The following AFG1L variants were observed in gnomAD, a reference collection of about 807,000 sequenced individuals.
AFG1L encodes AFG1-like ATPase.
AFG1L carries 53 observed loss-of-function variants against 62.2 expected under a neutral mutation model. The observed-to-expected ratio is 0.85, with a 90% CI of 0.68 to 1.07. AFG1L has a LOEUF of 1.07. Ranked by LOEUF, AFG1L falls within the 50% of genes least tolerant of loss-of-function variation. The pLI is 0.00. For missense variants in AFG1L, 555 were observed against 590.5 expected, an observed-to-expected ratio of 0.94 and a Z score of 0.62; for synonymous variants, 228 against 210.3, an observed-to-expected ratio of 1.08 and a Z score of -0.73.
At chr6:108,324,655 C>G (rs1777964541) in intron 2 of AFG1L, among the ~76,000 whole-genome samples, 1 of 151,674 alleles carries the variant, frequency 6.6e-6, no homozygotes, top group Non-Finnish European at 1.5e-5. Context: ...CCGCCTTGCT[C>G]TTGCCCTTAG....
At chr6:108,497,064 C>T (rs74316024) in intron 10 of AFG1L, among the ~76,000 whole-genome samples, 3,616 of 152,156 alleles carry the variant, frequency 0.024, 145 homozygotes, top group African/African-American at 0.082. Context: ...GTATAACCTT[C>T]GGTTGAATTT....
chr6:108,396,639 C>T (rs537541458), intron 6 of AFG1L, among the ~76,000 whole-genome samples: 12 of 152,100 alleles, frequency 7.9e-5, no homozygotes, highest in South Asian at 4.2e-4. Context: ...TACAGGTACT[C>T]GCCACCACCC....
chr6:108,335,262 C>T (rs1255373555), intron 2 of AFG1L, among the ~76,000 whole-genome samples: 1 of 146,054 alleles, frequency 6.8e-6, no homozygotes, highest in African/African-American at 2.8e-5. Flanking sequence ...TGAGCCACTG[C>T]CCCGGCTGGT....
chr6:108,510,118 C>T, intron 10 of AFG1L, 94 bp from the exon 11 acceptor site: 1 of 914,000 alleles, frequency 1.1e-6, no homozygotes, highest in Non-Finnish European at 1.6e-6. Context: ...TAGATCACAC[C>T]ATGACAAGAA....
In AFG1L at chr6:108,500,171, C is replaced by CATGTGT. The variant is rs1554204022; in HGVS notation, c.1063-10041_1063-10040insATGTGT. 1.9e-3 allele frequency among the ~76,000 whole-genome samples: 260 copies of CATGTGT among 135,138 alleles called. 1 individual carries two copies. The highest frequency in any genetic ancestry group is 6.4e-3 in the African/African-American group (224 of 34,978). The allele number at this position is 135,138 out of a possible 152,430, so 88.7% of individuals were successfully genotyped here. A position where few individuals can be genotyped will look rare whatever the true frequency, so the allele number is the denominator to read the frequency against. On this transcript the variant is annotated intron_variant, in intron 10 of 12. Transcript: ENST00000368977. ...GCTGTGTAGTATTCCATGGTGCGTG[C>CATGTGT]GTGTGTGTGTGTGTGTGTGTGTGTG...
At chr6:108,428,483 G>A (rs1463608036) in intron 7 of AFG1L, among the ~76,000 whole-genome samples, 1 of 152,148 alleles carries the variant, frequency 6.6e-6, no homozygotes, top group Non-Finnish European at 1.5e-5. Context: ...TGGGATTGCT[G>A]GATAGAACGG....
chr6:108,432,614 T>C (rs1003203016), intron 7 of AFG1L, among the ~76,000 whole-genome samples: 7 of 152,328 alleles, frequency 4.6e-5, no homozygotes, highest in Non-Finnish European at 7.3e-5. Flanking sequence ...ATGGTGGACA[T>C]TGTAGTTGTC....
chr6:108,474,605 T>G (rs1003239603), intron 8 of AFG1L, among the ~76,000 whole-genome samples: 1 of 152,238 alleles, frequency 6.6e-6, no homozygotes, highest in Non-Finnish European at 1.5e-5. Context: ...TATCTCATTG[T>G]GGTTTTGATT....
At position 108,446,709 on chromosome 6, in the gene AFG1L, GCTCAGGCTGGT is replaced by G. The variant is rs372683655; in HGVS notation, c.808-500_808-490del. On this transcript the variant is annotated intron_variant, in intron 7 of 12. Transcript: ENST00000368977. ...TTGTAGAGATGGGTTTTGCTATGTT[GCTCAGGCTGGT>G]CTCAAACTCCTGGACAAACACAATC... Among the ~76,000 whole-genome samples the G allele has an allele frequency of 3.3e-3, 500 of 152,034 alleles. 4 individuals carry two copies. The highest frequency in any genetic ancestry group is 0.011 in the African/African-American group (472 of 41,446).
chr6:108,335,945 A>G (rs143171643), intron 2 of AFG1L, among the ~76,000 whole-genome samples: 22 of 152,264 alleles, frequency 1.4e-4, no homozygotes, highest in African/African-American at 4.6e-4. Flanking sequence ...CACACCCCCA[A>G]CTTATTTAGA....
chr6:108,341,722 G>A (rs1300879005), intron 2 of AFG1L, among the ~76,000 whole-genome samples: 3 of 152,036 alleles, frequency 2.0e-5, no homozygotes, highest in East Asian at 1.9e-4. Flanking sequence ...TTAAGCTTAT[G>A]AGCTTATGAT....
chr6:108,508,051 A>G (rs1361229302), intron 10 of AFG1L, among the ~76,000 whole-genome samples: 1 of 152,224 alleles, frequency 6.6e-6, no homozygotes, highest in African/African-American at 2.4e-5. Flanking sequence ...GCACTGTGCT[A>G]AACACTTTGC....
chr6:108,361,938 T>C (rs1267195417), intron 5 of AFG1L, among the ~76,000 whole-genome samples: 2 of 152,230 alleles, frequency 1.3e-5, no homozygotes, highest in African/African-American at 2.4e-5. Context: ...TCCCAGAATG[T>C]AAACTTGAAG....
At chr6:108,401,092 T>G (rs1781584521) in intron 6 of AFG1L, among the ~76,000 whole-genome samples, 1 of 150,594 alleles carries the variant, frequency 6.6e-6, no homozygotes, top group African/African-American at 2.4e-5. Context: ...CCTCACCCTC[T>G]GAGTAGTTGG....
chr6:108,390,928 C>T (rs1031344919), intron 6 of AFG1L, among the ~76,000 whole-genome samples: 4 of 152,336 alleles, frequency 2.6e-5, no homozygotes, highest in South Asian at 2.1e-4. Context: ...TCTTCTGCGT[C>T]GCTCACGCTG....
intron 6 of AFG1L, among the ~76,000 whole-genome samples, chr6:108,378,235 GTTTC>G (rs1407000663): frequency 2.0e-5 from 3 of 151,822 alleles, no homozygotes; most frequent in African/African-American, 7.3e-5. Context: ...TGCTTTAGAA[GTTTC>G]TTTGTCTCAA....
At chr6:108,402,467 T>TAAAAAAAAAAAAA (rs55775052) in intron 7 of AFG1L, among the ~76,000 whole-genome samples, 2 of 91,182 alleles carry the variant, frequency 2.2e-5, no homozygotes, top group Non-Finnish European at 2.1e-5. Context: ...CCGTCTCGAA[T>TAAAAAAAAAAAAA]AAAAAAAAAA....
chr6:108,508,539 G>A (rs1774512629), intron 10 of AFG1L, among the ~76,000 whole-genome samples: 1 of 152,150 alleles, frequency 6.6e-6, no homozygotes, highest in African/African-American at 2.4e-5. Flanking sequence ...AAAGGACTCG[G>A]GTCATTCTTG....
rs187795282 is a variant in AFG1L at position 108,386,023 on chromosome 6, G to C, written c.749-15973G>C. On this transcript the variant is annotated intron_variant, in intron 6 of 12. Transcript: ENST00000368977. ...AGCTTCTCAGGAGGCTGAGGTTGGGGAATCACTTGAGCCCACAAATTTGAG... is the reference window on the plus strand; with the variant it reads ...AGCTTCTCAGGAGGCTGAGGTTGGGCAATCACTTGAGCCCACAAATTTGAG... 1.4e-3 allele frequency among the ~76,000 whole-genome samples: 214 copies of C among 152,266 alleles called. No individual in the cohort carries two copies. In the South Asian group the frequency reaches 0.016, roughly 11 times the overall value.
Sources: allele counts gnomAD v4.1 joint callset (sites outside exome capture counted in the v4.1 genomes callset), GRCh38; gene constraint gnomAD v4.1.1; transcripts MANE v1.5; gene names NCBI Gene and HGNC (gene_info 2026-07-23, HGNC 2026-07-21).